PRTFDC1: variants seen among roughly 807,000 people sequenced by gnomAD.
PRTFDC1 encodes phosphoribosyltransferase domain-containing protein 1.
Under a neutral mutation model 34.6 loss-of-function variants are expected in PRTFDC1, and 38 were observed. The ratio of observed to expected loss-of-function variants is 1.10; its 90% CI spans 0.85 to 1.44. PRTFDC1 has a LOEUF of 1.44. Among genes scored for constraint, PRTFDC1 ranks in the 40% most tolerant of loss-of-function variants. PRTFDC1 has a pLI of 0.00. For synonymous variants in PRTFDC1, 93 were observed against 98.1 expected (o/e 0.95, Z 0.31); for missense variants, 270 against 283.0 (o/e 0.95, Z 0.33).
At chr10:24,868,960 T>G (rs961697166) in intron 4 of PRTFDC1, among the ~76,000 whole-genome samples, 3 of 152,274 alleles carry the variant, frequency 2.0e-5, no homozygotes, top group South Asian at 2.1e-4. Flanking sequence ...GTTTGTTACA[T>G]GCATGGAATG....
chr10:24,932,166 A>G (rs2132600270), intron 3 of PRTFDC1, among the ~76,000 whole-genome samples: 1 of 152,072 alleles, frequency 6.6e-6, no homozygotes, highest in African/African-American at 2.4e-5. Flanking sequence ...TTGCAAAACT[A>G]GGAATAGAAG....
chr10:24,890,232 C>T (rs569691895), intron 3 of PRTFDC1, among the ~76,000 whole-genome samples: 2 of 152,216 alleles, frequency 1.3e-5, no homozygotes, highest in Admixed American at 6.5e-5. Flanking sequence ...ATGTGAGGTT[C>T]GATATCAGAA....
At chr10:24,896,280 A>G (rs1848361950) in intron 3 of PRTFDC1, among the ~76,000 whole-genome samples, 1 of 152,224 alleles carries the variant, frequency 6.6e-6, no homozygotes, top group Non-Finnish European at 1.5e-5. Context: ...CGAACTGTGC[A>G]TGCGAGGGAT....
intron 3 of PRTFDC1, among the ~76,000 whole-genome samples, chr10:24,933,815 T>C (rs1166699172): frequency 6.6e-6 from 1 of 151,760 alleles, no homozygotes; most frequent in African/African-American, 2.4e-5. Context: ...TGCCTCAGCC[T>C]CTTGAGTAGC....
In PRTFDC1 at chr10:24,858,354, T is replaced by C. The variant is rs1431505398; in HGVS notation, c.423+38A>G. 5.6e-6 allele frequency: 9 copies of C among 1,602,440 alleles called. No homozygotes were observed. In the African/African-American group the frequency reaches 9.4e-5, roughly 17 times the overall value. ...CGTTTAAAACTCACCATTAGATTCTTTCAACCTCCAAGTATGGAAAAGGAA... is the reference window on the plus strand; with the variant it reads ...CGTTTAAAACTCACCATTAGATTCTCTCAACCTCCAAGTATGGAAAAGGAA... On this transcript the variant is annotated intron_variant, in intron 5 of 8. Transcript: ENST00000320152.
chr10:24,882,848 AT>A (rs1848102651), intron 3 of PRTFDC1, among the ~76,000 whole-genome samples: 1 of 151,658 alleles, frequency 6.6e-6, no homozygotes, highest in African/African-American at 2.4e-5. Flanking sequence ...GTAAAAAAAA[AT>A]CTAAATGCAA....
intron 7 of PRTFDC1, 129 bp from the exon 8 acceptor site, chr10:24,851,593 G>T: frequency 7.2e-7 from 1 of 1,397,220 alleles, no homozygotes; most frequent in Non-Finnish European, 9.5e-7. Context: ...AGTGAGAAAT[G>T]GTGAGAAATG....
At chr10:24,866,878 GAA>G (rs552958590) in intron 4 of PRTFDC1, among the ~76,000 whole-genome samples, 261 of 148,346 alleles carry the variant, frequency 1.8e-3, no homozygotes, top group African/African-American at 3.8e-3. Context: ...CAAAAAGAAA[GAA>G]AAAGAGAGAA....
chr10:24,893,034 A>G (rs183424821), intron 3 of PRTFDC1, among the ~76,000 whole-genome samples: 150 of 152,304 alleles, frequency 9.8e-4, no homozygotes, highest in African/African-American at 3.1e-3. Flanking sequence ...TTTTGCTCAT[A>G]CAGTATCAGT....
chr10:24,865,107 C>T (rs571954603), intron 4 of PRTFDC1, among the ~76,000 whole-genome samples: 1 of 152,064 alleles, frequency 6.6e-6, no homozygotes, highest in East Asian at 1.9e-4. Context: ...CAGAGTGAGA[C>T]TCTGTCTCAA....
At chr10:24,888,964 A>G (rs1051093590) in intron 3 of PRTFDC1, among the ~76,000 whole-genome samples, 5 of 152,082 alleles carry the variant, frequency 3.3e-5, no homozygotes, top group African/African-American at 1.2e-4. Context: ...CATTTACTTC[A>G]TCTGGAAAAT....
chr10:24,919,429 T>G (rs1376873925), intron 3 of PRTFDC1, among the ~76,000 whole-genome samples: 1 of 152,220 alleles, frequency 6.6e-6, no homozygotes, highest in South Asian at 2.1e-4. Flanking sequence ...TGGTTAGCCA[T>G]GTGCAGAAAA....
chr10:24,873,322 A>G (rs1251594560), intron 3 of PRTFDC1, among the ~76,000 whole-genome samples: 2 of 152,176 alleles, frequency 1.3e-5, no homozygotes, highest in Non-Finnish European at 2.9e-5. Flanking sequence ...AGAACCAGCC[A>G]CTTGTCTCCC....
chr10:24,939,996 G>C (rs1008508513), intron 2 of PRTFDC1, among the ~76,000 whole-genome samples: 2 of 151,930 alleles, frequency 1.3e-5, no homozygotes, highest in Non-Finnish European at 2.9e-5. Flanking sequence ...ATAATAAGGA[G>C]GTCGATTATC....
At chr10:24,949,039 C>T (rs997194061) in intron 1 of PRTFDC1, among the ~76,000 whole-genome samples, 5 of 152,176 alleles carry the variant, frequency 3.3e-5, no homozygotes, top group South Asian at 4.1e-4. Context: ...GGGGAGCACA[C>T]TAGACCTCCC....
chr10:24,875,623 G>A (rs1847949621), intron 3 of PRTFDC1, among the ~76,000 whole-genome samples: 1 of 151,838 alleles, frequency 6.6e-6, no homozygotes, highest in Non-Finnish European at 1.5e-5. Flanking sequence ...TTCCAAGTGG[G>A]TATATTGTCA....
intron 2 of PRTFDC1, among the ~76,000 whole-genome samples, chr10:24,937,696 T>G (rs1366938183): frequency 6.6e-6 from 1 of 151,818 alleles, no homozygotes; most frequent in Non-Finnish European, 1.5e-5. Flanking sequence ...TAGCTGGGAA[T>G]ACAGGCGCCT....
chr10:24,915,821 A>G (rs1848685301), intron 3 of PRTFDC1, among the ~76,000 whole-genome samples: 1 of 152,200 alleles, frequency 6.6e-6, no homozygotes, highest in South Asian at 2.1e-4. Context: ...TCCAGGTATC[A>G]GTCCTTAGAG....
chr10:24,883,723 C>G (rs1588590184), intron 3 of PRTFDC1, among the ~76,000 whole-genome samples: 1 of 151,386 alleles, frequency 6.6e-6, no homozygotes, highest in African/African-American at 2.4e-5. Context: ...CTTGACACAT[C>G]TGAATGACCC....
Sources: allele counts gnomAD v4.1 joint callset (sites outside exome capture counted in the v4.1 genomes callset), GRCh38; gene constraint gnomAD v4.1.1; transcripts MANE v1.5; gene names NCBI Gene and HGNC (gene_info 2026-07-23, HGNC 2026-07-21).